Variants in ABCC9 observed in about 807,000 individuals in gnomAD.
The protein encoded by ABCC9 is ATP-binding cassette sub-family C member 9.
In ABCC9, 95 loss-of-function variants were observed where a neutral mutation model predicts 188.3. The observed-to-expected ratio is 0.50, with a 90% CI of 0.43 to 0.60. ABCC9 has a LOEUF of 0.60. Ranked by LOEUF, ABCC9 falls within the 20% of genes least tolerant of loss-of-function variation. ABCC9 has a pLI of 0.00. For missense variants in ABCC9, 1,102 were observed against 1,876.3 expected, an observed-to-expected ratio of 0.59 and a Z score of 7.62; for synonymous variants, 659 against 652.7, an observed-to-expected ratio of 1.01 and a Z score of -0.15.
intron 30 of ABCC9, among the ~76,000 whole-genome samples, chr12:21,831,927 T>A (rs1001558896): frequency 2.0e-5 from 3 of 152,190 alleles, no homozygotes; most frequent in Non-Finnish European, 4.4e-5. Context: ...CACTTTTGAC[T>A]CTTCCTCTAG....
chr12:21,858,766 A>G (rs1025438820), intron 22 of ABCC9, among the ~76,000 whole-genome samples: 13 of 152,130 alleles, frequency 8.5e-5, no homozygotes, highest in African/African-American at 3.1e-4. Context: ...TCCAAAACCA[A>G]CTTACTTTTT....
chr12:21,813,693 C>A (rs1942415826), intron 35 of ABCC9, among the ~76,000 whole-genome samples: 1 of 152,084 alleles, frequency 6.6e-6, no homozygotes, highest in South Asian at 2.1e-4. Flanking sequence ...TTATTACTAG[C>A]CATGGAAAAA....
At chr12:21,809,499 C>T (rs547158898) in intron 37 of ABCC9, among the ~76,000 whole-genome samples, 1 of 152,256 alleles carries the variant, frequency 6.6e-6, no homozygotes, top group South Asian at 2.1e-4. Flanking sequence ...GCAATCCTTC[C>T]ACTCATTTCC....
intron 12 of ABCC9, among the ~76,000 whole-genome samples, chr12:21,902,532 A>G (rs1947815370): frequency 6.6e-6 from 1 of 152,228 alleles, no homozygotes; most frequent in African/African-American, 2.4e-5. Flanking sequence ...AAAGATCAAC[A>G]AAATAGATAG....
In ABCC9 at chr12:21,799,057, T is replaced by C. The variant is rs1261932589; in HGVS notation, c.*1987A>G. ...GTGGGAATTGAACAATGAGATCACA[T>C]GGACACAGGAAGGGGAATATCACAC... On this transcript the variant is annotated 3_prime_UTR_variant, in exon 40 of 40. Transcript: ENST00000261200. 1 of 124,752 alleles carries C rather than the reference T, an allele frequency of 8.0e-6. No homozygotes were observed. The highest frequency in any genetic ancestry group is 1.6e-5 in the Non-Finnish European group (1 of 60,906). 7.7% of individuals were successfully genotyped at this position (124,752 alleles called of 1,614,324 possible).
chr12:21,927,906 A>G (rs906448990), intron 4 of ABCC9, among the ~76,000 whole-genome samples: 2 of 152,148 alleles, frequency 1.3e-5, no homozygotes, highest in African/African-American at 4.8e-5. Flanking sequence ...TGCTTCTAAT[A>G]TTCTCTGACT....
At chr12:21,898,126 C>T (rs547171782) in intron 12 of ABCC9, among the ~76,000 whole-genome samples, 15 of 152,296 alleles carry the variant, frequency 9.8e-5, no homozygotes, top group Non-Finnish European at 1.6e-4. Context: ...CTGCTGCACT[C>T]TGGCCTGGGT....
rs559160532 is a variant in ABCC9, at chr12:21,931,129, T to C, written c.284+2653A>G. On this transcript the variant is annotated intron_variant, in intron 4 of 39. Coordinates refer to ENST00000261200, the MANE Select transcript of ABCC9 (RefSeq NM_020297.4). ...ATCTCACCTTGAATTGTAATCCGAA[T>C]TGTAATCCCCATGTGTTGGGGGAGG... Among the ~76,000 whole-genome samples, 16 of 152,262 alleles carry C rather than the reference T, an allele frequency of 1.1e-4. No homozygotes were observed. The East Asian group carries it at 2.5e-3, about 24-fold the overall frequency.
intron 5 of ABCC9, chr12:21,924,289 A>T (rs901464507): frequency 6.5e-6 from 1 of 153,312 alleles, no homozygotes; most frequent in Non-Finnish European, 1.5e-5. Context: ...CTTAAAATGC[A>T]TCAAAACTAA....
At chr12:21,934,686 G>C (rs1949418149) in intron 3 of ABCC9, among the ~76,000 whole-genome samples, 1 of 150,424 alleles carries the variant, frequency 6.6e-6, no homozygotes, top group African/African-American at 2.4e-5. Context: ...TATGTGGTGT[G>C]CTAGTAGGCC....
intron 31 of ABCC9, chr12:21,827,092 T>C: frequency 2.0e-6 from 2 of 984,240 alleles, no homozygotes; most frequent in Non-Finnish European, 2.4e-6. Flanking sequence ...TTAGACAGGT[T>C]CAACTGCTTT....
rs892725530 is a variant in ABCC9, at chr12:21,927,379, A to G, written c.285-1316T>C. On this transcript the variant is annotated intron_variant, in intron 4 of 39. Transcript: ENST00000261200. ...ATACACGAGTTTGTAGTGGAGGGAG[A>G]GAAATGGAAGGAAGAAAAGCAGTTA... Among the ~76,000 whole-genome samples the G allele has an allele frequency of 3.9e-5, 6 of 152,290 alleles. No individual in the cohort carries two copies. The East Asian group carries it at 1.2e-3, about 29-fold the overall frequency.
intron 25 of ABCC9, among the ~76,000 whole-genome samples, chr12:21,846,855 G>A (rs1944695906): frequency 1.3e-5 from 2 of 152,086 alleles, no homozygotes; most frequent in Admixed American, 1.3e-4. Context: ...GCTAAAGACA[G>A]CATTTCCTCA....
Position 21,806,002 on chromosome 12 carries a change from A to G in ABCC9, c.4508T>C (p.Ile1503Thr). The G allele has an allele frequency of 6.2e-7, 1 of 1,613,568 alleles. No homozygotes were observed. The highest frequency in any genetic ancestry group is 1.3e-5 in the African/African-American group (1 of 74,918). ...TAFADRTVVT[I>T]AHRVHTILTA... ...ACTCCGTCTTCTCATACTTACAGCT[A>G]TTGTCACCACGGTCCGGTCTGCAAA... The change falls in exon 39 of 40, where the codon ATA (isoleucine) becomes ACA (threonine). Residue 1503 changes from isoleucine (I) to threonine (T), a missense_variant. By Grantham distance (89) the Ile-to-Thr change is moderately conservative. This residue lies in a region of ABCC9 where 40 missense variants were observed against 105.5 expected (regional missense o/e 0.38). Coordinates refer to ENST00000261200, the MANE Select transcript of ABCC9 (RefSeq NM_020297.4).
In ABCC9 at chr12:21,916,935, A is replaced by C. The variant is rs749857422; in HGVS notation, c.573+2T>G. The stretch of plus-strand genomic sequence containing the variant: ...ACTAAACAAAAGCCATTAGCTACCT[A>C]CCCTGACTCGAATGACATTGATCTC... On this transcript the variant is annotated splice_donor_variant, in intron 6 of 39. Transcript: ENST00000261200. LOFTEE classifies it high-confidence loss of function. 1.9e-6 allele frequency: 3 copies of C among 1,610,354 alleles called. No homozygotes were observed. In the Admixed American group the frequency reaches 5.0e-5, roughly 27 times the overall value.
intron 16 of ABCC9, among the ~76,000 whole-genome samples, chr12:21,882,252 AT>A (rs1189983757): frequency 6.6e-6 from 1 of 151,622 alleles, no homozygotes; most frequent in Non-Finnish European, 1.5e-5. Context: ...ACTCCCTTTT[AT>A]CCCCAACTCT....
chr12:21,824,003 T>C (rs952909496), intron 31 of ABCC9, among the ~76,000 whole-genome samples: 1 of 152,308 alleles, frequency 6.6e-6, no homozygotes, highest in East Asian at 1.9e-4. Context: ...GAATATGATA[T>C]GAATATGGTG....
intron 18 of ABCC9, among the ~76,000 whole-genome samples, chr12:21,865,997 T>C (rs377659209): frequency 2.0e-5 from 3 of 152,000 alleles, no homozygotes; most frequent in Non-Finnish European, 2.9e-5. Flanking sequence ...CAAGCCACTT[T>C]TAGCAAATCA....
In ABCC9 at chr12:21,844,810, G is replaced by C. The variant is rs1371778691; in HGVS notation, c.3202C>G (p.Leu1068Val). Reference protein sequence around the residue: ...EWMGLTAAKNLHHNLLNKIIL... With the variant: ...EWMGLTAAKNVHHNLLNKIIL... Reference sequence around the variant, plus strand: ...ATCTTATTGAGAAGGTTGTGGTGAAGATTTTTGGCAGCTGTGAGACCCATC... The same window carrying C: ...ATCTTATTGAGAAGGTTGTGGTGAACATTTTTGGCAGCTGTGAGACCCATC... Residue 1068 changes from leucine (L) to valine (V), a missense_variant, in exon 27 of 40, where the codon CTT becomes GTT. Leu to Val is a conservative substitution (Grantham distance 32). This residue lies in a region of ABCC9 where 74 missense variants were observed against 132.7 expected (regional missense o/e 0.56). Coordinates refer to ENST00000261200, the MANE Select transcript of ABCC9 (RefSeq NM_020297.4). 6.2e-7 allele frequency: 1 copy of C among 1,613,992 alleles called. No homozygotes were observed. Among genetic ancestry groups the C allele is most frequent in the Admixed American group, 1.7e-5 (1 of 60,012 alleles).
Sources: gnomAD v4.1 joint callset for allele counts (sites outside exome capture counted in the v4.1 genomes callset) on GRCh38, gnomAD v4.1.1 for gene constraint, gnomAD v4.1.1 regional missense constraint, MANE v1.5 for transcripts, NCBI Gene and HGNC (gene_info 2026-07-23, HGNC 2026-07-21) for gene names.